Variants in CAPZA2 observed in about 807,000 individuals in gnomAD.
CAPZA2 encodes capping actin protein of muscle Z-line subunit alpha 2, also known as F-actin-capping protein subunit alpha-2.
Under a neutral mutation model 44.0 loss-of-function variants are expected in CAPZA2, and 13 were observed. That is an observed-to-expected ratio of 0.30 (90% confidence interval 0.19 to 0.47). The LOEUF is 0.47. CAPZA2 is among the 20% of genes least tolerant of loss of function. The probability of loss-of-function intolerance (pLI) is 1.00; values close to 1 mark genes in which losing one functional copy is unlikely to be tolerated. For missense variants in CAPZA2, 244 were observed against 338.6 expected, an observed-to-expected ratio of 0.72 and a Z score of 2.19; for synonymous variants, 94 against 108.2, an observed-to-expected ratio of 0.87 and a Z score of 0.81.
At chr7:116,902,513 TAAAA>T (rs953265079) in intron 4 of CAPZA2, among the ~76,000 whole-genome samples, 15 of 152,218 alleles carry the variant, frequency 9.9e-5, no homozygotes, top group African/African-American at 3.1e-4. Flanking sequence ...ACCATCAGAC[TAAAA>T]AAAGAGCTAT....
In CAPZA2 at chr7:116,890,696, C is replaced by T. The variant is rs1339477409; in HGVS notation, c.104-2298C>T. ...AGGAGGCTGAGGCAGGAGAATTGCTCAAACCCAGGAGGCGGAGGTTACATT... is the reference window on the plus strand; with the variant it reads ...AGGAGGCTGAGGCAGGAGAATTGCTTAAACCCAGGAGGCGGAGGTTACATT... On this transcript the variant is annotated intron_variant, in intron 2 of 9. Transcript: ENST00000361183. Among the ~76,000 whole-genome samples, 3 of 119,508 alleles carry T rather than the reference C, an allele frequency of 2.5e-5. No homozygotes were observed. In the East Asian group the frequency reaches 7.9e-4, roughly 31 times the overall value. 78.4% of individuals were successfully genotyped at this position (119,508 alleles called of 152,430 possible).
intron 8 of CAPZA2, among the ~76,000 whole-genome samples, chr7:116,913,897 G>C (rs1321139182): frequency 7.0e-6 from 1 of 143,578 alleles, no homozygotes; most frequent in Non-Finnish European, 1.5e-5. Context: ...TGGTTTTTTT[G>C]CCCCATGGAT....
intron 2 of CAPZA2, among the ~76,000 whole-genome samples, chr7:116,889,604 G>T (rs1796805358): frequency 6.6e-6 from 1 of 150,818 alleles, no homozygotes; most frequent in South Asian, 2.1e-4. Context: ...TCTCACCTCA[G>T]AAAAGATTAG....
chr7:116,894,579 T>C (rs1796900901), intron 3 of CAPZA2, among the ~76,000 whole-genome samples: 1 of 152,222 alleles, frequency 6.6e-6, no homozygotes. Context: ...ACCCATTAAG[T>C]GTACAGATCA....
intron 1 of CAPZA2, chr7:116,875,430 A>G (rs1796608332): frequency 6.6e-6 from 1 of 152,252 alleles, no homozygotes; most frequent in African/African-American, 2.4e-5. Flanking sequence ...TAAAATTGAT[A>G]TAAGAGCTTC....
In CAPZA2 at chr7:116,919,189, ATGT is replaced by A. The variant is rs987894145; in HGVS notation, c.*1327_*1329del. The A allele has an allele frequency of 6.6e-6, 1 of 152,388 alleles. No individual in the cohort carries two copies. Among genetic ancestry groups the A allele is most frequent in the Non-Finnish European group, 1.5e-5 (1 of 67,998 alleles). The allele number at this position is 152,388 out of a possible 1,614,324, so 9.4% of individuals were successfully genotyped here. On this transcript the variant is annotated 3_prime_UTR_variant, in exon 10 of 10. Transcript: ENST00000361183. ...AGATTTTTAAAAATTCAATGAAAGCATGTTGTTTAATTTCTTTTTAAAATCACT... is the reference window on the plus strand; with the variant it reads ...AGATTTTTAAAAATTCAATGAAAGCATGTTTAATTTCTTTTTAAAATCACT...
intron 2 of CAPZA2, among the ~76,000 whole-genome samples, chr7:116,891,951 T>C (rs1376079241): frequency 3.3e-5 from 5 of 152,212 alleles, no homozygotes; most frequent in Non-Finnish European, 7.3e-5. Context: ...CAAAAAAGAA[T>C]CTAAACTTCA....
rs1347469222 is a variant in CAPZA2 at position 116,919,109 on chromosome 7, G to A, written c.*1242G>A. ...TTTTATTTTATTGTTTTTTTTTTTAGAAAAACACCACTTTTATTATGTACA... is the reference window on the plus strand; with the variant it reads ...TTTTATTTTATTGTTTTTTTTTTTAAAAAAACACCACTTTTATTATGTACA... On this transcript the variant is annotated 3_prime_UTR_variant, in exon 10 of 10. Transcript: ENST00000361183. The A allele has an allele frequency of 6.8e-6, 1 of 147,774 alleles. No homozygotes were observed. The highest frequency in any genetic ancestry group is 1.5e-5 in the Non-Finnish European group (1 of 67,070). 9.2% of individuals were successfully genotyped at this position (147,774 alleles called of 1,614,324 possible).
intron 1 of CAPZA2, 87 bp downstream of exon 1, chr7:116,862,737 G>GCAT: frequency 7.2e-7 from 1 of 1,392,738 alleles, no homozygotes; most frequent in Non-Finnish European, 9.8e-7. Flanking sequence ...CGGGGGAAGG[G>GCAT]CATTGGCCCG....
rs549243290 is a variant in CAPZA2, at chr7:116,906,433, T to C, written c.506+91T>C. 2.0e-6 allele frequency: 3 copies of C among 1,508,340 alleles called. No individual in the cohort carries two copies. In the Admixed American group the frequency reaches 7.6e-5, roughly 38 times the overall value. The allele number at this position is 1,508,340 out of a possible 1,614,324, so 93.4% of individuals were successfully genotyped here. ...AGTGATTTGGGCTACACCTTGTTTG[T>C]TTATGATTAAGAACAATTTAGAGAT... On this transcript the variant is annotated intron_variant, in intron 6 of 9. Transcript: ENST00000361183.
intron 1 of CAPZA2, among the ~76,000 whole-genome samples, chr7:116,871,119 A>G (rs1796549449): frequency 6.6e-6 from 1 of 152,204 alleles, no homozygotes; most frequent in African/African-American, 2.4e-5. Flanking sequence ...TTTAGGACAA[A>G]AAGCTTAGAC....
chr7:116,905,054 G>A (rs1442653860), intron 5 of CAPZA2, among the ~76,000 whole-genome samples: 1 of 148,516 alleles, frequency 6.7e-6, no homozygotes, highest in Non-Finnish European at 1.5e-5. Flanking sequence ...AGGCAGAATT[G>A]CTTGAACCCA....
chr7:116,900,100 G>A (rs1364960256), intron 4 of CAPZA2, among the ~76,000 whole-genome samples: 6 of 151,488 alleles, frequency 4.0e-5, no homozygotes, highest in African/African-American at 1.5e-4. Flanking sequence ...AAATTCAGTA[G>A]CCATTTTCTC....
At chr7:116,869,481 C>T (rs1452329694) in intron 1 of CAPZA2, among the ~76,000 whole-genome samples, 2 of 152,202 alleles carry the variant, frequency 1.3e-5, no homozygotes, top group African/African-American at 2.4e-5. Flanking sequence ...CCACATTTCA[C>T]TGATTTCAGT....
intron 1 of CAPZA2, among the ~76,000 whole-genome samples, chr7:116,866,107 G>A (rs1393778106): frequency 6.6e-6 from 1 of 151,994 alleles, no homozygotes; most frequent in African/African-American, 2.4e-5. Flanking sequence ...TGGCCACTGG[G>A]TGAATGGGAA....
chr7:116,908,551 A>G (rs57583077), intron 6 of CAPZA2, among the ~76,000 whole-genome samples: 1 of 152,302 alleles, frequency 6.6e-6, no homozygotes, highest in African/African-American at 2.4e-5. Context: ...ACTCAGTGTC[A>G]TTTACTGTTA....
At chr7:116,916,032 AT>A in intron 8 of CAPZA2, 27 bp from the exon 9 acceptor site, 1 of 1,398,352 alleles carries the variant, frequency 7.2e-7, no homozygotes, top group Non-Finnish European at 9.6e-7. Context: ...TTAAATTACT[AT>A]TTTTATTTTG....
At chr7:116,880,371 A>T (rs1796676322) in intron 1 of CAPZA2, among the ~76,000 whole-genome samples, 2 of 152,100 alleles carry the variant, frequency 1.3e-5, no homozygotes, top group African/African-American at 4.8e-5. Flanking sequence ...GCTCATTGTG[A>T]ACTGCAGCAA....
intron 1 of CAPZA2, among the ~76,000 whole-genome samples, chr7:116,870,289 G>A (rs918493324): frequency 2.0e-5 from 3 of 152,160 alleles, no homozygotes; most frequent in Non-Finnish European, 4.4e-5. Flanking sequence ...CTAGGGGTAT[G>A]GTAAACATCA....
Sources: gnomAD v4.1 joint callset for allele counts (sites outside exome capture counted in the v4.1 genomes callset) on GRCh38, gnomAD v4.1.1 for gene constraint, MANE v1.5 for transcripts, NCBI Gene and HGNC (gene_info 2026-07-23, HGNC 2026-07-21) for gene names.